PIEZO2: variants seen among roughly 807,000 people sequenced by gnomAD.
PIEZO2 encodes the protein piezo type mechanosensitive ion channel component 2.
Under a neutral mutation model 337.3 loss-of-function variants are expected in PIEZO2, and 172 were observed. The observed-to-expected ratio is 0.51, with a 90% CI of 0.45 to 0.58. The LOEUF (loss-of-function observed/expected upper bound fraction) is 0.58. Ranked by LOEUF, PIEZO2 falls within the 20% of genes least tolerant of loss-of-function variation. PIEZO2 has a pLI of 0.00. For missense variants in PIEZO2, 3,028 were observed against 3,391.3 expected (o/e 0.89, Z 2.66); for synonymous variants, 1,251 against 1,228.5 (o/e 1.02, Z -0.38).
At chr18:10,715,927 A>G in intron 37 of PIEZO2, 111 bp from the exon 38 acceptor site, 2 of 839,488 alleles carry the variant, frequency 2.4e-6, no homozygotes, top group South Asian at 3.7e-5. Flanking sequence ...TGGCCCGTGC[A>G]TCTAATAAGG....
Position 11,066,202 on chromosome 18 carries a change from C to A in PIEZO2, c.85G>T (p.Gly29Trp). Residue 29 changes from glycine to tryptophan, a missense_variant, in exon 2 of 56, where the codon GGG becomes TGG. Physicochemically the swap from Gly to Trp is radical, Grantham distance 184. Transcript: ENST00000674853. Reference sequence around the variant, plus strand: ...TAGATAAGGTAGACAAAGGAGAGCCCATTGTATCGGAATGCACATGCTGTG... The same window carrying A: ...TAGATAAGGTAGACAAAGGAGAGCCAATTGTATCGGAATGCACATGCTGTG... ...LAVACAFRYN[G>W]LSFVYLIYLL... is the part of the protein sequence containing the mutation. 2.0e-6 allele frequency: 3 copies of A among 1,536,802 alleles called. No homozygotes were observed. The highest frequency in any genetic ancestry group is 2.6e-6 in the Non-Finnish European group (3 of 1,146,636).
intron 7 of PIEZO2, among the ~76,000 whole-genome samples, chr18:10,839,046 G>A (rs934796559): frequency 6.6e-6 from 1 of 152,182 alleles, no homozygotes; most frequent in Non-Finnish European, 1.5e-5. Context: ...AGAAGAGAGG[G>A]AGAGTAATGG....
chr18:10,705,533 C>T lies in PIEZO2; in HGVS notation c.5802G>A (p.Leu1934=). The change falls in exon 41 of 56, where the codon TTG becomes TTA. Residue 1934 remains leucine, a synonymous_variant. Coordinates refer to ENST00000674853, the MANE Select transcript of PIEZO2 (RefSeq NM_001378183.1). ...PEEELTQFST[L]DGDVEAPPSY... ...AGGGTGGGGCCTCCACATCCCCGTCCAAGGTGGAGAACTGTGTCAGCTCTT... is the reference window on the plus strand; with the variant it reads ...AGGGTGGGGCCTCCACATCCCCGTCTAAGGTGGAGAACTGTGTCAGCTCTT... The T allele has an allele frequency of 6.5e-7, 1 of 1,537,244 alleles. No individual in the cohort carries two copies. Among genetic ancestry groups the T allele is most frequent in the Non-Finnish European group, 8.7e-7 (1 of 1,146,890 alleles).
intron 2 of PIEZO2, among the ~76,000 whole-genome samples, chr18:11,041,870 G>T (rs2037135293): frequency 6.6e-6 from 1 of 152,192 alleles, no homozygotes; most frequent in Non-Finnish European, 1.5e-5. Context: ...AGGGCAAAAT[G>T]CAGTGGCATT....
chr18:10,824,596 A>T lies in PIEZO2; in HGVS notation c.918-17322T>A, dbSNP rs1442269532. On this transcript the variant is annotated intron_variant, in intron 7 of 55. Transcript: ENST00000674853. This position sits in a 1 kb window ranked among gnomAD's most constrained non-coding sequence, Gnocchi z 4.4. Reference sequence around the variant, plus strand: ...TGCATCCATTTAAAATAATAAAAAAATCCATCTATCTATATATCCATATCT... The same window carrying T: ...TGCATCCATTTAAAATAATAAAAAATTCCATCTATCTATATATCCATATCT... 6.6e-6 allele frequency among the ~76,000 whole-genome samples: 1 copy of T among 152,174 alleles called. No individual in the cohort carries two copies. Among genetic ancestry groups the T allele is most frequent in the Non-Finnish European group, 1.5e-5 (1 of 68,014 alleles).
In PIEZO2 at chr18:11,016,293, C is replaced by G. The variant is rs942695011; in HGVS notation, c.161-36633G>C. Among the ~76,000 whole-genome samples, 1 of 152,132 alleles carries G rather than the reference C, an allele frequency of 6.6e-6. No individual in the cohort carries two copies. The highest frequency in any genetic ancestry group is 6.5e-5 in the Admixed American group (1 of 15,278). On this transcript the variant is annotated intron_variant, in intron 2 of 55. Transcript: ENST00000674853. The surrounding 1 kb of genome is among the most constrained non-coding windows in gnomAD (Gnocchi z 5.6). ...AATGGGATGACTGTGGGCAGAATCA[C>G]AGGAGAGACACAGAATGTGGCGGTA...
chr18:10,736,830 G>T, intron 33 of PIEZO2, 120 bp from the exon 34 acceptor site: 1 of 1,143,312 alleles, frequency 8.7e-7, no homozygotes. Flanking sequence ...AACGAAAGAT[G>T]TTGGCAGAGA....
At chr18:11,118,329 C>T (rs1006718024) in intron 1 of PIEZO2, among the ~76,000 whole-genome samples, 12 of 152,148 alleles carry the variant, frequency 7.9e-5, no homozygotes, top group Non-Finnish European at 1.5e-4. Context: ...CCAGACTGGC[C>T]CTTCTTTCAT....
Position 10,795,042 on chromosome 18 carries a change from C to A in PIEZO2, c.1528-40G>T. The A allele has an allele frequency of 6.7e-7, 1 of 1,489,536 alleles. No homozygotes were observed. Among genetic ancestry groups the A allele is most frequent in the Non-Finnish European group, 9.1e-7 (1 of 1,098,404 alleles). 92.3% of individuals were successfully genotyped at this position (1,489,536 alleles called of 1,614,324 possible). ...AAAGGAAACACGACCATGGTCAATA[C>A]AATGCTCAGTCCCCCCCGCCCTGGT... is the stretch of plus-strand genomic sequence containing the variant. On this transcript the variant is annotated intron_variant, in intron 12 of 55. Coordinates refer to ENST00000674853, the MANE Select transcript of PIEZO2 (RefSeq NM_001378183.1). The surrounding 1 kb of genome is among the most constrained non-coding windows in gnomAD (Gnocchi z 4.4).
At chr18:10,740,824 C>A in intron 33 of PIEZO2, 1 of 693,088 alleles carries the variant, frequency 1.4e-6, no homozygotes, top group Non-Finnish European at 2.6e-6. Context: ...ACAAGAATGT[C>A]AGAACGTCTG....
At chr18:10,865,162 G>A (rs570853724) in intron 5 of PIEZO2, among the ~76,000 whole-genome samples, 1 of 152,196 alleles carries the variant, frequency 6.6e-6, no homozygotes, top group Non-Finnish European at 1.5e-5. Flanking sequence ...AGCACAGGGT[G>A]AGGACATGAA....
In PIEZO2 at chr18:11,132,976, A is replaced by G. The variant is rs2040381802; in HGVS notation, c.64+15549T>C. On this transcript the variant is annotated intron_variant, in intron 1 of 55. Transcript: ENST00000674853. This position sits in a 1 kb window ranked among gnomAD's most constrained non-coding sequence, Gnocchi z 4.7. Reference sequence around the variant, plus strand: ...GAATGAAGGTTTGGGTCACTCCACCAGGAAAAAAACCATGATCTCCTGAGA... The same window carrying G: ...GAATGAAGGTTTGGGTCACTCCACCGGGAAAAAAACCATGATCTCCTGAGA... Among the ~76,000 whole-genome samples the G allele has an allele frequency of 1.3e-5, 2 of 152,182 alleles. No homozygotes were observed.
At chr18:10,949,562 C>A (rs1299690021) in intron 3 of PIEZO2, among the ~76,000 whole-genome samples, 1 of 152,246 alleles carries the variant, frequency 6.6e-6, no homozygotes, top group Non-Finnish European at 1.5e-5. Context: ...GGGTCCCATG[C>A]AGCAGCCCTG....
intron 9 of PIEZO2, 49 bp downstream of exon 9, chr18:10,803,826 A>T: frequency 6.5e-7 from 1 of 1,533,376 alleles, no homozygotes; most frequent in South Asian, 1.2e-5. Flanking sequence ...ACAGTAAAAT[A>T]CAAAAACAGA....
At chr18:11,019,520 CT>C (rs1031083831) in intron 2 of PIEZO2, among the ~76,000 whole-genome samples, 1 of 152,168 alleles carries the variant, frequency 6.6e-6, no homozygotes, top group Non-Finnish European at 1.5e-5. Context: ...GTTTTTCCCC[CT>C]TTATGTTTGC....
At chr18:10,803,175 G>A (rs1049804174) in intron 9 of PIEZO2, among the ~76,000 whole-genome samples, 7 of 152,072 alleles carry the variant, frequency 4.6e-5, no homozygotes, top group Non-Finnish European at 8.8e-5. Flanking sequence ...ATTTATCCAC[G>A]TGCTGTCATG....
At chr18:10,799,897 C>T (rs1598497582) in intron 11 of PIEZO2, among the ~76,000 whole-genome samples, 1 of 151,074 alleles carries the variant, frequency 6.6e-6, no homozygotes, top group African/African-American at 2.4e-5. Flanking sequence ...GGCGTGAACC[C>T]GGGAGGCAAA....
At chr18:10,871,669 G>A (rs1281031911) in intron 4 of PIEZO2, among the ~76,000 whole-genome samples, 1 of 152,144 alleles carries the variant, frequency 6.6e-6, no homozygotes, top group Admixed American at 6.5e-5. Context: ...CTCCTAAAAC[G>A]TCCTAATGGA....
rs1197864284 is a variant in PIEZO2, at chr18:10,973,681, G to A, written c.286+5854C>T. Among the ~76,000 whole-genome samples the A allele has an allele frequency of 6.6e-6, 1 of 152,186 alleles. No homozygotes were observed. The highest frequency in any genetic ancestry group is 6.5e-5 in the Admixed American group (1 of 15,286). On this transcript the variant is annotated intron_variant, in intron 3 of 55. Transcript: ENST00000674853. This position sits in a 1 kb window ranked among gnomAD's most constrained non-coding sequence, Gnocchi z 4.9. ...GCCCGAGGAGAGAAGAAGGCTGTGT[G>A]TTGTGCCTGAATGAGTTAGGGAATG... is the stretch of plus-strand genomic sequence containing the variant.
Sources: gnomAD v4.1 joint callset for allele counts (sites outside exome capture counted in the v4.1 genomes callset) on GRCh38, gnomAD v4.1.1 for gene constraint, Gnocchi (gnomAD v3.1) non-coding constraint, MANE v1.5 for transcripts, NCBI Gene and HGNC (gene_info 2026-07-23, HGNC 2026-07-21) for gene names.